HDAC9: variants seen among roughly 807,000 people sequenced by gnomAD.
HDAC9 encodes histone deacetylase 9.
A neutral mutation model predicts 139.4 loss-of-function variants in HDAC9; 41 were observed. The ratio of observed to expected loss-of-function variants is 0.29; its 90% CI spans 0.23 to 0.38. The LOEUF (loss-of-function observed/expected upper bound fraction) is 0.38. Among genes scored for constraint, HDAC9 ranks in the 10% least tolerant of loss-of-function variants. The pLI is 1.00. For synonymous variants in HDAC9, 517 were observed against 476.2 expected (o/e 1.09, Z -1.12); for missense variants, 1,147 against 1,297.0 (o/e 0.88, Z 1.78).
At chr7:18,521,403 T>C (rs910771751) in intron 2 of HDAC9, among the ~76,000 whole-genome samples, 2 of 152,182 alleles carry the variant, frequency 1.3e-5, no homozygotes, top group Non-Finnish European at 2.9e-5. Flanking sequence ...AAGGGAGATA[T>C]CTCACTTAAC....
In HDAC9 at chr7:18,996,964, TATCAAGGAC is replaced by T. The variant is rs1786501849; in HGVS notation, c.*903_*911del. On this transcript the variant is annotated 3_prime_UTR_variant, in exon 26 of 26. Coordinates refer to ENST00000686413, the MANE Select transcript of HDAC9 (RefSeq NM_178425.4). ...AGGTGGTCTTAATTTGTTGCATATC[TATCAAGGAC>T]TTATTCACTCACCTTTCCTTTTCTG... 1 of 152,214 alleles carries T rather than the reference TATCAAGGAC, an allele frequency of 6.6e-6. No homozygotes were observed. The allele number at this position is 152,214 out of a possible 1,614,324, so 9.4% of individuals were successfully genotyped here.
At chr7:18,289,175 A>T (rs955743020), upstream of HDAC9, among the ~76,000 whole-genome samples, 2 of 152,214 alleles carry the variant, frequency 1.3e-5, no homozygotes, top group African/African-American at 4.8e-5. Context: ...TTGGGGGCTT[A>T]GAATTGTGCA....
At chr7:18,188,553 A>G (rs564608977) in intron 2 of HDAC9, among the ~76,000 whole-genome samples, 7 of 152,350 alleles carry the variant, frequency 4.6e-5, no homozygotes, top group Non-Finnish European at 4.4e-5. Context: ...ATCAGAGTGA[A>G]CAGGCAACTT....
chr7:18,824,087 GAAC>G lies in HDAC9; in HGVS notation c.2323-5071_2323-5069del, dbSNP rs58871197. Among the ~76,000 whole-genome samples, 661 of 147,384 alleles carry G rather than the reference GAAC, an allele frequency of 4.5e-3. 3 individuals carry two copies. The highest frequency in any genetic ancestry group is 0.031 in the Middle Eastern group (9 of 290). ...AGAAGAAGAAGAAGAAGAAGAAGAAGAACAAGAACAAGAAGGAGAAGAAGAAGA... is the reference window on the plus strand; with the variant it reads ...AGAAGAAGAAGAAGAAGAAGAAGAAGAAGAACAAGAAGGAGAAGAAGAAGA... On this transcript the variant is annotated intron_variant, in intron 17 of 25. Transcript: ENST00000686413.
chr7:18,547,652 C>T (rs1384601300), intron 2 of HDAC9, among the ~76,000 whole-genome samples: 1 of 151,768 alleles, frequency 6.6e-6, no homozygotes, highest in Non-Finnish European at 1.5e-5. Context: ...TAGCATTTGA[C>T]CTACACTAGA....
intron 2 of HDAC9, among the ~76,000 whole-genome samples, chr7:18,226,126 T>A (rs1459037666): frequency 6.6e-6 from 1 of 152,210 alleles, no homozygotes; most frequent in East Asian, 1.9e-4. Flanking sequence ...CTGAATAAGA[T>A]AAATTTAGAG....
chr7:18,537,697 G>C (rs1811348720), intron 2 of HDAC9, among the ~76,000 whole-genome samples: 1 of 152,146 alleles, frequency 6.6e-6, no homozygotes, highest in Non-Finnish European at 1.5e-5. Context: ...GAAAGCCATT[G>C]GATTTTTGTA....
At chr7:18,608,858 A>T (rs951843733) in intron 6 of HDAC9, among the ~76,000 whole-genome samples, 4 of 152,176 alleles carry the variant, frequency 2.6e-5, no homozygotes, top group South Asian at 2.1e-4. Context: ...AGATTGATTG[A>T]TACTTTAATT....
intron 1 of HDAC9, among the ~76,000 whole-genome samples, chr7:18,095,293 G>C (rs571951269): frequency 6.6e-6 from 1 of 151,924 alleles, no homozygotes; most frequent in South Asian, 2.1e-4. Flanking sequence ...CTATGTTTTC[G>C]CAGGCTTACA....
At chr7:18,904,721 A>T (rs537023877) in intron 22 of HDAC9, among the ~76,000 whole-genome samples, 2 of 150,958 alleles carry the variant, frequency 1.3e-5, no homozygotes, top group Non-Finnish European at 3.0e-5. Flanking sequence ...GACTACAGGC[A>T]ACCGCCACCA....
chr7:18,843,288 A>T (rs1796704322), intron 21 of HDAC9, among the ~76,000 whole-genome samples: 1 of 152,114 alleles, frequency 6.6e-6, no homozygotes, highest in Non-Finnish European at 1.5e-5. Context: ...CTCTCAATGT[A>T]TGTGTAATAC....
intron 21 of HDAC9, among the ~76,000 whole-genome samples, chr7:18,857,339 G>A (rs958050542): frequency 2.0e-5 from 3 of 150,942 alleles, no homozygotes; most frequent in African/African-American, 7.3e-5. Flanking sequence ...TTTTAGTTGT[G>A]TGTGTGTGTG....
intron 6 of HDAC9, among the ~76,000 whole-genome samples, chr7:18,606,344 T>G (rs1024589010): frequency 4.6e-5 from 7 of 152,214 alleles, no homozygotes; most frequent in African/African-American, 1.7e-4. Context: ...TTAAAAATAC[T>G]TTTTAAAACT....
At chr7:18,377,346 A>G (rs1409137049) in intron 1 of HDAC9, among the ~76,000 whole-genome samples, 1 of 152,186 alleles carries the variant, frequency 6.6e-6, no homozygotes, top group Non-Finnish European at 1.5e-5. Context: ...ATTTTAACGT[A>G]TTCAGTATAT....
chr7:18,168,566 GTGTC>G (rs1374614335), intron 2 of HDAC9, among the ~76,000 whole-genome samples: 4 of 151,488 alleles, frequency 2.6e-5, no homozygotes, highest in South Asian at 2.1e-4. Flanking sequence ...CTCTGTGTGT[GTGTC>G]TGTGTGTGTG....
chr7:18,668,686 T>C (rs754015193), intron 12 of HDAC9: 37 of 976,830 alleles, frequency 3.8e-5, no homozygotes, highest in Non-Finnish European at 4.4e-5. Context: ...TTAGAATTAA[T>C]TGATAAATGT....
At chr7:18,828,153 G>A (rs61154440) in intron 17 of HDAC9, among the ~76,000 whole-genome samples, 1,660 of 152,272 alleles carry the variant, frequency 0.011, 37 homozygotes, top group African/African-American at 0.038. Context: ...CTAGAGAATA[G>A]ATTAGTTTTC....
intron 2 of HDAC9, among the ~76,000 whole-genome samples, chr7:18,253,509 C>G (rs939319842): frequency 2.6e-5 from 4 of 152,126 alleles, no homozygotes; most frequent in Non-Finnish European, 4.4e-5. Context: ...ATCAGTGATA[C>G]TGAGCTTTTT....
At chr7:18,622,649 C>T (rs1840529683) in intron 6 of HDAC9, among the ~76,000 whole-genome samples, 1 of 151,778 alleles carries the variant, frequency 6.6e-6, no homozygotes, top group Non-Finnish European at 1.5e-5. Flanking sequence ...ATCTAGTACT[C>T]AATCTTGGTT....
Sources: gnomAD v4.1 joint callset for allele counts (sites outside exome capture counted in the v4.1 genomes callset) on GRCh38, gnomAD v4.1.1 for gene constraint, MANE v1.5 for transcripts, NCBI Gene and HGNC (gene_info 2026-07-23, HGNC 2026-07-21) for gene names.